Variants in PRKCQ observed in about 807,000 individuals in gnomAD.
PRKCQ encodes protein kinase C theta type.
A neutral mutation model predicts 91.2 loss-of-function variants in PRKCQ; 41 were observed. The ratio of observed to expected loss-of-function variants is 0.45; its 90% confidence interval spans 0.35 to 0.58. The LOEUF (loss-of-function observed/expected upper bound fraction) is 0.58, where lower values mean the gene tolerates loss of function less well. PRKCQ is among the 20% of genes least tolerant of loss of function. The pLI is 0.00. For missense variants in PRKCQ, 673 were observed against 896.5 expected (o/e 0.75, Z 3.18); for synonymous variants, 307 against 316.9 (o/e 0.97, Z 0.33).
chr10:6,470,783 T>C (rs1044039549), intron 12 of PRKCQ, among the ~76,000 whole-genome samples: 1 of 152,018 alleles, frequency 6.6e-6, no homozygotes, highest in Non-Finnish European at 1.5e-5. Flanking sequence ...AAATCCCATC[T>C]CTACCAAAAA....
intron 1 of PRKCQ, among the ~76,000 whole-genome samples, chr10:6,544,154 T>C (rs1014141857): frequency 4.6e-5 from 7 of 152,188 alleles, no homozygotes; most frequent in African/African-American, 1.7e-4. Flanking sequence ...AAGGGTTATG[T>C]AGAATATTCA....
chr10:6,570,679 C>A (rs914445393), intron 1 of PRKCQ, among the ~76,000 whole-genome samples: 1 of 151,874 alleles, frequency 6.6e-6, no homozygotes, highest in Non-Finnish European at 1.5e-5. Context: ...CTCAGCCTCC[C>A]GAGTAGCTGG....
At chr10:6,562,177 G>T (rs1267601001) in intron 1 of PRKCQ, among the ~76,000 whole-genome samples, 1 of 152,196 alleles carries the variant, frequency 6.6e-6, no homozygotes, top group East Asian at 1.9e-4. Context: ...ACTCAGGCTT[G>T]TCTATGAACT....
chr10:6,423,172 G>A (rs1240013059), downstream of PRKCQ, among the ~76,000 whole-genome samples: 1 of 152,154 alleles, frequency 6.6e-6, no homozygotes, highest in African/African-American at 2.4e-5. Context: ...GAGATGTGTT[G>A]GCCCTTTCAG....
downstream of PRKCQ, among the ~76,000 whole-genome samples, chr10:6,426,152 G>T (rs1417218002): frequency 6.6e-6 from 1 of 152,200 alleles, no homozygotes; most frequent in Non-Finnish European, 1.5e-5. Flanking sequence ...AAGCGCTCTA[G>T]TGAGGACTTT....
At chr10:6,552,715 C>T (rs1840237198) in intron 1 of PRKCQ, among the ~76,000 whole-genome samples, 1 of 152,146 alleles carries the variant, frequency 6.6e-6, no homozygotes, top group Non-Finnish European at 1.5e-5. Context: ...GATCCTCCTG[C>T]CTTGGCCTCC....
intron 15 of PRKCQ, among the ~76,000 whole-genome samples, chr10:6,449,209 T>C (rs954785524): frequency 2.1e-5 from 3 of 145,700 alleles, no homozygotes; most frequent in African/African-American, 7.8e-5. Context: ...AATGTATAAC[T>C]AGAATAAGCA....
chr10:6,401,491 T>C, the PRKCQ span, among the ~76,000 whole-genome samples: 10 of 152,002 alleles, frequency 6.6e-5, no homozygotes, highest in Admixed American at 1.3e-4. Flanking sequence ...ATAGTTCTCC[T>C]CTGTTTTAGG....
At chr10:6,490,989 G>A (rs1323896856) in intron 8 of PRKCQ, among the ~76,000 whole-genome samples, 1 of 152,024 alleles carries the variant, frequency 6.6e-6, no homozygotes, top group African/African-American at 2.4e-5. Flanking sequence ...CAGCAAGAAA[G>A]CCTTGCCTTG....
At chr10:6,464,075 T>G (rs968062028) in intron 13 of PRKCQ, among the ~76,000 whole-genome samples, 9 of 152,190 alleles carry the variant, frequency 5.9e-5, no homozygotes, top group Non-Finnish European at 1.3e-4. Flanking sequence ...AGAAGCCTGA[T>G]GAATCGGGAT....
At chr10:6,558,182 T>A (rs1014510776) in intron 1 of PRKCQ, among the ~76,000 whole-genome samples, 2 of 152,180 alleles carry the variant, frequency 1.3e-5, no homozygotes, top group African/African-American at 4.8e-5. Context: ...ACCTCTTTAT[T>A]ACAGATCAAC....
intron 4 of PRKCQ, among the ~76,000 whole-genome samples, chr10:6,502,257 G>A (rs566266693): frequency 1.3e-5 from 2 of 152,346 alleles, no homozygotes; most frequent in South Asian, 4.1e-4. Context: ...GGTAGGTGAA[G>A]GAGAGAAAGA....
intron 13 of PRKCQ, among the ~76,000 whole-genome samples, chr10:6,463,605 C>T (rs761617381): frequency 1.3e-5 from 2 of 152,212 alleles, no homozygotes; most frequent in Non-Finnish European, 2.9e-5. Flanking sequence ...TCTCAACCCA[C>T]TTCAACCTAA....
At chr10:6,422,673 TC>T (rs1164423639), downstream of PRKCQ, among the ~76,000 whole-genome samples, 1 of 152,194 alleles carries the variant, frequency 6.6e-6, no homozygotes, top group Non-Finnish European at 1.5e-5. Context: ...GCAAGAATTT[TC>T]CAGAAGGAAA....
chr10:6,549,223 T>C (rs183037008), intron 1 of PRKCQ, among the ~76,000 whole-genome samples: 45 of 152,278 alleles, frequency 3.0e-4, no homozygotes, highest in Middle Eastern at 3.4e-3. Flanking sequence ...GTGCCCTGGG[T>C]TGGCTTCTGA....
At chr10:6,546,911 T>C (rs1450831310) in intron 1 of PRKCQ, among the ~76,000 whole-genome samples, 3 of 152,334 alleles carry the variant, frequency 2.0e-5, no homozygotes, top group African/African-American at 7.2e-5. Context: ...GTCCCATCAA[T>C]ACCTAATTTA....
chr10:6,549,778 T>C lies in PRKCQ; in HGVS notation c.-10+30433A>G, dbSNP rs190224909. On this transcript the variant is annotated intron_variant, in intron 1 of 17. Coordinates refer to ENST00000263125, the MANE Select transcript of PRKCQ (RefSeq NM_006257.5). ...CCCGAGTAGCTGAGATTACAGGTGT[T>C]TGCCACCATGCCCGGCTAATTTTTG... 6.9e-3 allele frequency among the ~76,000 whole-genome samples: 1,042 copies of C among 151,734 alleles called. 15 individuals carry two copies. The highest frequency in any genetic ancestry group is 0.024 in the African/African-American group (985 of 41,364).
chr10:6,415,543 A>G, the PRKCQ span, among the ~76,000 whole-genome samples: 57,549 of 148,612 alleles, frequency 0.39, 13,056 homozygotes, highest in East Asian at 0.78. Context: ...AGGTGAAGGC[A>G]TGAGAACAAG....
chr10:6,419,854 A>C, the PRKCQ span, among the ~76,000 whole-genome samples: 1 of 151,530 alleles, frequency 6.6e-6, no homozygotes, highest in Admixed American at 6.6e-5. Flanking sequence ...ATGCCTAGCT[A>C]ATTTTTGTAT....
Sources: gnomAD v4.1 joint callset for allele counts (sites outside exome capture counted in the v4.1 genomes callset) on GRCh38, gnomAD v4.1.1 for gene constraint, MANE v1.5 for transcripts, NCBI Gene and HGNC (gene_info 2026-07-23, HGNC 2026-07-21) for gene names.